The following ATRNL1 variants were observed in gnomAD, a reference collection of about 807,000 sequenced individuals.
The protein encoded by ATRNL1 is attractin-like protein 1.
Under a neutral mutation model 182.7 loss-of-function variants are expected in ATRNL1, and 95 were observed. The ratio of observed to expected loss-of-function variants is 0.52; its 90% CI spans 0.44 to 0.62. The LOEUF (loss-of-function observed/expected upper bound fraction) is 0.62. Ranked by LOEUF, ATRNL1 falls within the 20% of genes least tolerant of loss-of-function variation. ATRNL1 has a pLI of 0.00. For synonymous variants in ATRNL1, 576 were observed against 568.3 expected (o/e 1.01, Z -0.19); for missense variants, 1,471 against 1,679.5 (o/e 0.88, Z 2.17).
chr10:115,171,433 G>GC, intron 8 of ATRNL1, 141 bp downstream of exon 8: 1 of 729,394 alleles, frequency 1.4e-6, no homozygotes, highest in Non-Finnish European at 2.0e-6. Context: ...TTTAATATAA[G>GC]CTTTTTTGAT....
intron 10 of ATRNL1, among the ~76,000 whole-genome samples, chr10:115,258,788 A>G (rs577436163): frequency 2.8e-4 from 43 of 152,276 alleles, no homozygotes; most frequent in South Asian, 6.2e-4. Context: ...GGTGACCTAC[A>G]GATGGGGTTT....
chr10:115,838,795 T>C (rs1950738772), intron 27 of ATRNL1, among the ~76,000 whole-genome samples: 1 of 48,746 alleles, frequency 2.1e-5, no homozygotes, highest in Non-Finnish European at 6.6e-5. Flanking sequence ...TTCGCAGTAT[T>C]TTTTTTAATA....
chr10:115,121,602 A>T, intron 2 of ATRNL1, 97 bp from the exon 3 acceptor site: 1 of 424,318 alleles, frequency 2.4e-6, no homozygotes, highest in Non-Finnish European at 4.0e-6. Context: ...AAGTTTCTTC[A>T]CTCTGTGCTT....
chr10:115,329,594 T>C (rs1554934433), intron 18 of ATRNL1, among the ~76,000 whole-genome samples: 1 of 152,144 alleles, frequency 6.6e-6, no homozygotes, highest in Non-Finnish European at 1.5e-5. Flanking sequence ...TCTCGATTGT[T>C]CTATCCTCTT....
rs184459777 is a variant in ATRNL1, at chr10:115,653,605, T to C, written c.3796-73643T>C. Among the ~76,000 whole-genome samples, 549 of 152,320 alleles carry C rather than the reference T, an allele frequency of 3.6e-3. 1 individual carries two copies. Among genetic ancestry groups the C allele is most frequent in the African/African-American group, 0.013 (528 of 41,572 alleles). On this transcript the variant is annotated intron_variant, in intron 26 of 28. Transcript: ENST00000355044. ...TAGCACTCTGGTTATCATTGTTTTC[T>C]GGAAGGTCTTCCATTGCATATTAAC...
At chr10:115,556,328 G>A (rs1554997000) in intron 26 of ATRNL1, among the ~76,000 whole-genome samples, 1 of 152,014 alleles carries the variant, frequency 6.6e-6, no homozygotes. Flanking sequence ...TATACAGAGA[G>A]GAAAATAAAA....
Position 115,129,362 on chromosome 10 carries a change from G to A in ATRNL1, c.656G>A (p.Gly219Glu). 6.2e-7 allele frequency: 1 copy of A among 1,613,428 alleles called. No homozygotes were observed. Among genetic ancestry groups the A allele is most frequent in the Non-Finnish European group, 8.5e-7 (1 of 1,179,464 alleles). ...NSCPNNCSGH[G>E]KCTTSVSVPS... ...TGTCCTAACAATTGCTCTGGTCATG[G>A]GAAGTGTACAACTAGTGTCTCTGTT... is the stretch of plus-strand genomic sequence containing the variant. The change falls in exon 5 of 29, where the codon GGG (glycine) becomes GAG (glutamate). Residue 219 changes from glycine (G) to glutamate (E), a missense_variant. Coordinates refer to ENST00000355044, the MANE Select transcript of ATRNL1 (RefSeq NM_207303.4).
intron 9 of ATRNL1, among the ~76,000 whole-genome samples, chr10:115,227,227 A>T (rs904985400): frequency 2.0e-5 from 3 of 152,064 alleles, no homozygotes; most frequent in Non-Finnish European, 2.9e-5. Context: ...CCACAGGCAA[A>T]AGACAAATAA....
At chr10:115,452,641 C>G (rs546065171) in intron 21 of ATRNL1, among the ~76,000 whole-genome samples, 1 of 152,048 alleles carries the variant, frequency 6.6e-6, no homozygotes, top group African/African-American at 2.4e-5. Flanking sequence ...TCAGCACAAT[C>G]AAGACTATAA....
At chr10:115,557,506 G>A (rs1446115720) in intron 26 of ATRNL1, among the ~76,000 whole-genome samples, 1 of 152,128 alleles carries the variant, frequency 6.6e-6, no homozygotes, top group Admixed American at 6.5e-5. Context: ...AAGGAACAGA[G>A]TTATCAGTTG....
intron 19 of ATRNL1, among the ~76,000 whole-genome samples, chr10:115,351,278 C>A (rs1352461709): frequency 1.3e-5 from 2 of 152,020 alleles, no homozygotes; most frequent in African/African-American, 2.4e-5. Flanking sequence ...ACTTCCAGTA[C>A]TATGTCTAAT....
chr10:115,210,311 C>A (rs1334694865), intron 8 of ATRNL1, among the ~76,000 whole-genome samples: 1 of 151,810 alleles, frequency 6.6e-6, no homozygotes, highest in East Asian at 1.9e-4. Flanking sequence ...ATCCTATGAT[C>A]TTACTTAGAA....
At chr10:115,267,951 G>A (rs57948149) in intron 12 of ATRNL1, among the ~76,000 whole-genome samples, 3,008 of 151,990 alleles carry the variant, frequency 0.02, 96 homozygotes, top group African/African-American at 0.068. Flanking sequence ...TAGTAGAGAT[G>A]GGTTTTGTGA....
At chr10:115,621,453 C>T (rs1442222895) in intron 26 of ATRNL1, among the ~76,000 whole-genome samples, 2 of 151,788 alleles carry the variant, frequency 1.3e-5, no homozygotes, top group African/African-American at 4.8e-5. Context: ...AGGCCCATAC[C>T]ACCATGCCTG....
At chr10:115,290,073 G>GT (rs34824411) in intron 15 of ATRNL1, among the ~76,000 whole-genome samples, 105,686 of 145,080 alleles carry the variant, frequency 0.73, 38,432 homozygotes, top group East Asian at 0.82. Context: ...GTGTTTTGTA[G>GT]TTTTTTTTTT....
intron 26 of ATRNL1, among the ~76,000 whole-genome samples, chr10:115,649,637 A>G (rs1451782106): frequency 6.6e-6 from 1 of 152,170 alleles, no homozygotes; most frequent in African/African-American, 2.4e-5. Context: ...ATGACTGTGC[A>G]TTTTATTGTA....
chr10:115,105,223 AT>A (rs1343673507), intron 1 of ATRNL1, among the ~76,000 whole-genome samples: 1 of 151,948 alleles, frequency 6.6e-6, no homozygotes, highest in Admixed American at 6.6e-5. Context: ...GTCTTCTTCA[AT>A]TTCTTTCATT....
intron 5 of ATRNL1, among the ~76,000 whole-genome samples, chr10:115,138,070 C>G (rs1554877130): frequency 1.3e-5 from 2 of 152,216 alleles, no homozygotes; most frequent in Non-Finnish European, 1.5e-5. Context: ...GCAGTCAAAC[C>G]TTAAAGCTCC....
chr10:115,268,350 G>C lies in ATRNL1; in HGVS notation c.2006G>C (p.Arg669Thr), dbSNP rs1457762700. The change falls in exon 13 of 29, where the codon AGA becomes ACA. Residue 669 changes from arginine (R) to threonine (T), a missense_variant. This residue lies in a region of ATRNL1 where 1,031 missense variants were observed against 1,156.0 expected (regional missense o/e 0.89). Coordinates refer to ENST00000355044, the MANE Select transcript of ATRNL1 (RefSeq NM_207303.4). Reference sequence around the variant, plus strand: ...GCTGCTTCTGATGACAGATGTTACAGATATGCAGATTGTGCCAGCTGTACT... The same window carrying C: ...GCTGCTTCTGATGACAGATGTTACACATATGCAGATTGTGCCAGCTGTACT... ...KTAASDDRCY[R>T]YADCASCTAN... is the part of the protein sequence containing the mutation. The C allele has an allele frequency of 4.3e-6, 7 of 1,612,762 alleles. No individual in the cohort carries two copies. Among genetic ancestry groups the C allele is most frequent in the Middle Eastern group, 3.3e-4 (2 of 6,078 alleles).
Sources: allele counts gnomAD v4.1 joint callset (sites outside exome capture counted in the v4.1 genomes callset), GRCh38; gene constraint gnomAD v4.1.1; regional missense constraint gnomAD v4.1.1; transcripts MANE v1.5; gene names NCBI Gene and HGNC (gene_info 2026-07-23, HGNC 2026-07-21).